CWF19L2: variants seen among roughly 807,000 people sequenced by gnomAD.
The protein encoded by CWF19L2 is CWF19-like protein 2.
A neutral mutation model predicts 111.7 loss-of-function variants in CWF19L2; 98 were observed. The ratio of observed to expected loss-of-function variants is 0.88; its 90% CI spans 0.75 to 1.04. The LOEUF is 1.04. Ranked by LOEUF, CWF19L2 falls within the 50% of genes least tolerant of loss-of-function variation. CWF19L2 has a pLI of 0.00. For missense variants in CWF19L2, 1,101 were observed against 1,051.4 expected (o/e 1.05, Z -0.65); for synonymous variants, 351 against 342.9 (o/e 1.02, Z -0.26).
intron 12 of CWF19L2, among the ~76,000 whole-genome samples, chr11:107,374,152 C>T (rs1323395974): frequency 7.5e-6 from 1 of 134,088 alleles, no homozygotes; most frequent in African/African-American, 3.1e-5. Context: ...GATTGGTGTA[C>T]CTGAAAGTGA....
intron 8 of CWF19L2, among the ~76,000 whole-genome samples, chr11:107,428,129 G>A (rs921474220): frequency 1.3e-5 from 2 of 152,000 alleles, no homozygotes; most frequent in Admixed American, 6.6e-5. Flanking sequence ...CTCCAACAGG[G>A]CCAGCAAATT....
At chr11:107,330,644 C>CA (rs1776406026) in intron 16 of CWF19L2, among the ~76,000 whole-genome samples, 5 of 121,728 alleles carry the variant, frequency 4.1e-5, no homozygotes, top group South Asian at 3.0e-4. Context: ...ACCCCCCCCA[C>CA]CACACACACA....
At chr11:107,439,470 G>A (rs1861589735) in intron 5 of CWF19L2, among the ~76,000 whole-genome samples, 2 of 152,250 alleles carry the variant, frequency 1.3e-5, no homozygotes, top group African/African-American at 4.8e-5. Context: ...ATGGAACACA[G>A]ACAATAAAAA....
At chr11:107,392,930 T>C (rs901099740) in intron 10 of CWF19L2, 35 bp from the exon 11 acceptor site, 1 of 1,250,690 alleles carries the variant, frequency 8.0e-7, no homozygotes. Flanking sequence ...ATTGAAATTA[T>C]TGTGAAGAAT....
intron 10 of CWF19L2, among the ~76,000 whole-genome samples, chr11:107,413,447 G>C (rs1360139592): frequency 6.6e-6 from 1 of 152,226 alleles, no homozygotes; most frequent in African/African-American, 2.4e-5. Context: ...CTGGTTATGT[G>C]TAAGTCTTGG....
chr11:107,455,816 C>A, intron 1 of CWF19L2, 40 bp from the exon 2 acceptor site: 1 of 1,273,784 alleles, frequency 7.9e-7, no homozygotes. Context: ...TGGCAATTGA[C>A]CCAACTGGGT....
intron 5 of CWF19L2, among the ~76,000 whole-genome samples, chr11:107,440,765 T>C (rs588678): frequency 0.18 from 26,849 of 151,980 alleles, 2,529 homozygotes; most frequent in Middle Eastern, 0.27. Flanking sequence ...AAAACATAAA[T>C]GAGCAGCTCC....
Position 107,420,913 on chromosome 11 carries a change from G to C in CWF19L2, c.1434-2626C>G, listed in dbSNP as rs367847275. On this transcript the variant is annotated intron_variant, in intron 8 of 17. Coordinates refer to ENST00000282251, the MANE Select transcript of CWF19L2 (RefSeq NM_152434.3). ...CTGTAAACAGAATCAGCAAGCATAA[G>C]GAAGACCTGAATAATACTATCAACT... 9.9e-5 allele frequency among the ~76,000 whole-genome samples: 15 copies of C among 152,084 alleles called. No individual in the cohort carries two copies. The South Asian group carries it at 1.7e-3, about 17-fold the overall frequency.
chr11:107,403,726 C>T (rs983686081), intron 10 of CWF19L2: 21 of 852,024 alleles, frequency 2.5e-5, no homozygotes, highest in Non-Finnish European at 4.3e-5. Context: ...CCTCCTTCTC[C>T]CTTTCCTCCT....
intron 12 of CWF19L2, among the ~76,000 whole-genome samples, chr11:107,354,214 T>C (rs565899747): frequency 6.6e-6 from 1 of 152,242 alleles, no homozygotes; most frequent in South Asian, 2.1e-4. Context: ...ATTTTCTTAT[T>C]TTATGTACCT....
chr11:107,394,251 T>C (rs1029753726), intron 10 of CWF19L2, among the ~76,000 whole-genome samples: 1 of 152,178 alleles, frequency 6.6e-6, no homozygotes, highest in Non-Finnish European at 1.5e-5. Context: ...ACTAAATTGA[T>C]ATAAAAGATT....
At position 107,431,536 on chromosome 11, in the gene CWF19L2, A is replaced by C. The variant is rs556448056; in HGVS notation, c.781-2085T>G. ...AAATAAAAACTCCAAAAAGAGTCGTAAATTTATAACAAATTTTGGAAAAAT... is the reference window on the plus strand; with the variant it reads ...AAATAAAAACTCCAAAAAGAGTCGTCAATTTATAACAAATTTTGGAAAAAT... On this transcript the variant is annotated intron_variant, in intron 7 of 17. Transcript: ENST00000282251. Among the ~76,000 whole-genome samples, 250 of 152,170 alleles carry C rather than the reference A, an allele frequency of 1.6e-3. 1 individual carries two copies. Among genetic ancestry groups the C allele is most frequent in the African/African-American group, 5.6e-3 (231 of 41,574 alleles).
chr11:107,364,125 A>G (rs1591165020), intron 12 of CWF19L2, among the ~76,000 whole-genome samples: 1 of 126,736 alleles, frequency 7.9e-6, no homozygotes, highest in South Asian at 2.7e-4. Flanking sequence ...AGAGCTAACT[A>G]TCCTAAATAT....
chr11:107,395,004 G>A (rs1291085405), intron 10 of CWF19L2, among the ~76,000 whole-genome samples: 1 of 152,176 alleles, frequency 6.6e-6, no homozygotes, highest in Non-Finnish European at 1.5e-5. Context: ...CCATGATGAG[G>A]TAAGTATAGA....
rs1359954183 is a variant in CWF19L2, at chr11:107,439,142, A to G, written c.612T>C (p.Asp204=). ...MERELNPYWK[D]GGTGLPPEDC... ...CTTCAGGTGGAAGACCTGTCCCACC[A>G]TCCTTCCAGTACGGATTCAATTCTC... The change falls in exon 6 of 18, where the codon GAT becomes GAC. Residue 204 remains aspartate, a synonymous_variant. Transcript: ENST00000282251. The G allele has an allele frequency of 6.2e-7, 1 of 1,610,552 alleles. No homozygotes were observed. Among genetic ancestry groups the G allele is most frequent in the African/African-American group, 1.3e-5 (1 of 74,786 alleles).
chr11:107,385,802 T>C (rs1246646210), intron 12 of CWF19L2, among the ~76,000 whole-genome samples: 1 of 152,270 alleles, frequency 6.6e-6, no homozygotes, highest in Non-Finnish European at 1.5e-5. Context: ...AGCACAACCA[T>C]GCTGTGTATG....
intron 12 of CWF19L2, among the ~76,000 whole-genome samples, chr11:107,359,052 A>T (rs1445914525): frequency 2.0e-5 from 3 of 147,138 alleles, no homozygotes; most frequent in African/African-American, 7.3e-5. Context: ...AAGCTTGTGA[A>T]CAAAACAGCC....
intron 3 of CWF19L2, among the ~76,000 whole-genome samples, chr11:107,449,539 A>G (rs1183311913): frequency 6.6e-6 from 1 of 152,168 alleles, no homozygotes; most frequent in Non-Finnish European, 1.5e-5. Context: ...GGTTTATAAC[A>G]TATGTAGAAG....
At chr11:107,402,824 CCAACCCAAAT>C (rs1861020556) in intron 10 of CWF19L2, among the ~76,000 whole-genome samples, 4 of 142,260 alleles carry the variant, frequency 2.8e-5, no homozygotes, top group Admixed American at 1.5e-4. Flanking sequence ...AATCAGAGAA[CCAACCCAAAT>C]GCCCATCAAT....
Sources: gnomAD v4.1 joint callset for allele counts (sites outside exome capture counted in the v4.1 genomes callset) on GRCh38, gnomAD v4.1.1 for gene constraint, MANE v1.5 for transcripts, NCBI Gene and HGNC (gene_info 2026-07-23, HGNC 2026-07-21) for gene names.